The following SEMA5A variants were observed in gnomAD, a reference collection of about 807,000 sequenced individuals.
SEMA5A encodes the protein semaphorin-5A.
In SEMA5A, 55 loss-of-function variants were observed where a neutral mutation model predicts 135.5. That is an observed-to-expected ratio of 0.41 (90% CI 0.33 to 0.51). The LOEUF (loss-of-function observed/expected upper bound fraction) is 0.51, where lower values mean the gene tolerates loss of function less well. SEMA5A is among the 20% of genes least tolerant of loss of function. The pLI is 0.37. For missense variants in SEMA5A, 1,290 were observed against 1,419.9 expected, an observed-to-expected ratio of 0.91 and a Z score of 1.47; for synonymous variants, 580 against 546.5, an observed-to-expected ratio of 1.06 and a Z score of -0.85.
intron 5 of SEMA5A, among the ~76,000 whole-genome samples, chr5:9,258,930 C>T (rs1579730380): frequency 7.1e-6 from 1 of 141,786 alleles, no homozygotes; most frequent in East Asian, 2.4e-4. Flanking sequence ...TCAAGCAATT[C>T]TCGTGCCTCA....
intron 5 of SEMA5A, among the ~76,000 whole-genome samples, chr5:9,262,962 TA>T (rs1579739878): frequency 8.3e-6 from 1 of 120,372 alleles, no homozygotes; most frequent in East Asian, 2.4e-4. Context: ...TTCGAAAAAA[TA>T]AAAATAAAAA....
chr5:9,318,279 T>C lies in SEMA5A; in HGVS notation c.270+93A>G, dbSNP rs560592594. 2.1e-5 allele frequency: 26 copies of C among 1,267,528 alleles called. No individual in the cohort carries two copies. The African/African-American group carries it at 3.1e-4, about 15-fold the overall frequency. The allele number at this position is 1,267,528 out of a possible 1,614,324, so 78.5% of individuals were successfully genotyped here. ...GAAACGAGCCCCTGCTCAGGCTGGA[T>C]TAACACCTTTACATGCATCTGTCTT... On this transcript the variant is annotated intron_variant, in intron 5 of 22. Transcript: ENST00000382496.
chr5:9,535,811 C>T (rs11953099), intron 1 of SEMA5A, among the ~76,000 whole-genome samples: 11,431 of 152,222 alleles, frequency 0.075, 579 homozygotes, highest in Non-Finnish European at 0.11. Context: ...CTCTACTGCC[C>T]TGCGGCAAGC....
At chr5:9,125,695 A>G (rs1306434954) in intron 13 of SEMA5A, among the ~76,000 whole-genome samples, 1 of 152,072 alleles carries the variant, frequency 6.6e-6, no homozygotes, top group East Asian at 1.9e-4. Context: ...CTATTGGCTA[A>G]GATGAAAAGA....
At chr5:9,419,581 G>A (rs1757393889) in intron 2 of SEMA5A, among the ~76,000 whole-genome samples, 1 of 152,110 alleles carries the variant, frequency 6.6e-6, no homozygotes, top group South Asian at 2.1e-4. Context: ...CACACATCTG[G>A]TCAACCTCTT....
chr5:9,066,676 A>G (rs1737489124), intron 16 of SEMA5A, 30 bp from the exon 17 acceptor site: 2 of 1,604,332 alleles, frequency 1.2e-6, no homozygotes, highest in East Asian at 2.2e-5. Flanking sequence ...GAGTGTTACT[A>G]TACGGGGTAA....
At position 9,545,877 on chromosome 5, in the gene SEMA5A, TG is replaced by T. The variant is rs1738365482; in HGVS notation, c.-469del. ...CCAAGCCAGCTCCGCGGGGCAGTCC[TG>T]GGTGGGAGAAGGGAGCGTCCCGGGA... On this transcript the variant is annotated 5_prime_UTR_variant, in exon 1 of 23. Coordinates refer to ENST00000382496, the MANE Select transcript of SEMA5A (RefSeq NM_003966.3). This position sits in a 1 kb window ranked among gnomAD's most constrained non-coding sequence, Gnocchi z 4.5. 1 of 152,260 alleles carries T rather than the reference TG, an allele frequency of 6.6e-6. No homozygotes were observed. The highest frequency in any genetic ancestry group is 1.5e-5 in the Non-Finnish European group (1 of 68,178). The allele number at this position is 152,260 out of a possible 1,614,324, so 9.4% of individuals were successfully genotyped here. A position where few individuals can be genotyped will look rare whatever the true frequency, so the allele number is the denominator to read the frequency against.
At chr5:9,132,470 G>A (rs1449351470) in intron 13 of SEMA5A, among the ~76,000 whole-genome samples, 7 of 152,140 alleles carry the variant, frequency 4.6e-5, no homozygotes, top group Non-Finnish European at 8.8e-5. Context: ...TCTTCTAGGC[G>A]GGACACAGCA....
At chr5:9,471,737 T>C (rs1484136153) in intron 1 of SEMA5A, among the ~76,000 whole-genome samples, 1 of 152,214 alleles carries the variant, frequency 6.6e-6, no homozygotes, top group Non-Finnish European at 1.5e-5. Flanking sequence ...AACCAATAAG[T>C]CTGCATGTAC....
intron 3 of SEMA5A, among the ~76,000 whole-genome samples, chr5:9,376,281 G>A (rs1755359663): frequency 1.3e-5 from 2 of 152,120 alleles, no homozygotes; most frequent in Admixed American, 6.6e-5. Context: ...CGTAAAATAA[G>A]ATGTCCTGAC....
rs10045065 is a variant in SEMA5A, at chr5:9,528,984, C to A, written c.-175+16600G>T. On this transcript the variant is annotated intron_variant, in intron 1 of 22. Transcript: ENST00000382496. ...CTTTAGGGATAGCTGGTTCTTAGGT[C>A]ATGGTGATTTTATTTGTAGGACTTT... Among the ~76,000 whole-genome samples, 423 of 152,300 alleles carry A rather than the reference C, an allele frequency of 2.8e-3. 1 individual carries two copies. The highest frequency in any genetic ancestry group is 9.6e-3 in the African/African-American group (401 of 41,580).
At chr5:9,202,800 G>T (rs1745791422) in intron 8 of SEMA5A, among the ~76,000 whole-genome samples, 1 of 152,158 alleles carries the variant, frequency 6.6e-6, no homozygotes, top group Non-Finnish European at 1.5e-5. Context: ...TATAAGGTGT[G>T]TCTGGAATTA....
chr5:9,291,685 C>G (rs1198201038), intron 5 of SEMA5A, among the ~76,000 whole-genome samples: 1 of 151,688 alleles, frequency 6.6e-6, no homozygotes, highest in East Asian at 1.9e-4. Context: ...GATCAACCAC[C>G]TTGAATATGG....
At chr5:9,065,834 G>A (rs1371727722) in intron 17 of SEMA5A, among the ~76,000 whole-genome samples, 1 of 152,218 alleles carries the variant, frequency 6.6e-6, no homozygotes, top group African/African-American at 2.4e-5. Flanking sequence ...GGACCACTTG[G>A]TGTTAGGGCC....
chr5:9,321,131 C>T (rs1022787443), intron 4 of SEMA5A, among the ~76,000 whole-genome samples: 3 of 152,092 alleles, frequency 2.0e-5, no homozygotes, highest in African/African-American at 7.2e-5. Context: ...GGCATTTCCC[C>T]TGCTTGCATT....
chr5:9,060,248 T>A (rs955596911), intron 18 of SEMA5A, among the ~76,000 whole-genome samples: 14 of 152,246 alleles, frequency 9.2e-5, no homozygotes, highest in Non-Finnish European at 1.6e-4. Flanking sequence ...TAAAGTTATG[T>A]ATACATGGTA....
chr5:9,429,980 C>G (rs1401028846), intron 2 of SEMA5A, among the ~76,000 whole-genome samples: 1 of 152,168 alleles, frequency 6.6e-6, no homozygotes, highest in Non-Finnish European at 1.5e-5. Context: ...AGAGCAGAAG[C>G]AGCGAGACGG....
intron 2 of SEMA5A, among the ~76,000 whole-genome samples, chr5:9,391,763 C>T (rs765987658): frequency 3.3e-5 from 5 of 152,208 alleles, no homozygotes; most frequent in East Asian, 1.9e-4. Context: ...CTCAAAAGTC[C>T]ATTTTCTGTG....
intron 3 of SEMA5A, among the ~76,000 whole-genome samples, chr5:9,350,474 T>C (rs1422124688): frequency 6.6e-6 from 1 of 152,194 alleles, no homozygotes; most frequent in East Asian, 1.9e-4. Context: ...CTCTCTCTCT[T>C]GACCTGAGAT....
Sources: gnomAD v4.1 joint callset for allele counts (sites outside exome capture counted in the v4.1 genomes callset) on GRCh38, gnomAD v4.1.1 for gene constraint, Gnocchi (gnomAD v3.1) non-coding constraint, MANE v1.5 for transcripts, NCBI Gene and HGNC (gene_info 2026-07-23, HGNC 2026-07-21) for gene names.